LANCL1: variants seen among roughly 807,000 people sequenced by gnomAD.
LANCL1 encodes glutathione S-transferase LANCL1.
Under a neutral mutation model 50.6 loss-of-function variants are expected in LANCL1, and 50 were observed. The ratio of observed to expected loss-of-function variants is 0.99; its 90% CI spans 0.79 to 1.25. LANCL1 has a LOEUF of 1.25. Among genes scored for constraint, LANCL1 ranks in the 50% most tolerant of loss-of-function variants. The pLI is 0.00. For missense variants in LANCL1, 532 were observed against 480.7 expected (o/e 1.11, Z -1.00); for synonymous variants, 188 against 178.6 (o/e 1.05, Z -0.42).
At chr2:210,447,343 C>G (rs1207928660) in intron 4 of LANCL1, among the ~76,000 whole-genome samples, 1 of 152,178 alleles carries the variant, frequency 6.6e-6, no homozygotes, top group Admixed American at 6.5e-5. Context: ...CTTACAAGAG[C>G]TCCTGAAGGA....
intron 3 of LANCL1, chr2:210,468,411 C>T (rs1040797600): frequency 1.3e-5 from 2 of 151,966 alleles, no homozygotes. Flanking sequence ...ACATAGAAGT[C>T]AAGAAAAAAA....
At chr2:210,457,127 G>T (rs1693696145) in intron 3 of LANCL1, among the ~76,000 whole-genome samples, 1 of 152,170 alleles carries the variant, frequency 6.6e-6, no homozygotes, top group Non-Finnish European at 1.5e-5. Context: ...TTCTGCAGAT[G>T]ATAGTTTACT....
chr2:210,440,493 T>G (rs781506136), intron 6 of LANCL1, 105 bp downstream of exon 6: 3 of 1,078,942 alleles, frequency 2.8e-6, no homozygotes, highest in Non-Finnish European at 4.0e-6. Context: ...TGTAATGCAG[T>G]GGTTGACAGA....
In LANCL1 at chr2:210,437,644, A is replaced by T. The variant is rs374302038; in HGVS notation, c.873+46T>A. 136 of 1,205,014 alleles carry T rather than the reference A, an allele frequency of 1.1e-4. No individual in the cohort carries two copies. The African/African-American group carries it at 2.0e-3, about 18-fold the overall frequency. The allele number at this position is 1,205,014 out of a possible 1,614,324, so 74.6% of individuals were successfully genotyped here. ...GGATAAAACTAATTTTAAATTATAAATTTTTGGTTATTTAAAAAAATTTAT... is the reference window on the plus strand; with the variant it reads ...GGATAAAACTAATTTTAAATTATAATTTTTTGGTTATTTAAAAAAATTTAT... On this transcript the variant is annotated intron_variant, in intron 7 of 9. Coordinates refer to ENST00000450366, the MANE Select transcript of LANCL1 (RefSeq NM_006055.3).
intron 9 of LANCL1, among the ~76,000 whole-genome samples, chr2:210,435,109 G>C (rs1333751887): frequency 6.6e-6 from 1 of 152,068 alleles, no homozygotes; most frequent in Non-Finnish European, 1.5e-5. Flanking sequence ...GAAGGTAGTA[G>C]TGCCTGTATG....
Position 210,431,890 on chromosome 2 carries a change from A to G in LANCL1, c.*2597T>C, listed in dbSNP as rs1692756968. 1 of 152,226 alleles carries G rather than the reference A, an allele frequency of 6.6e-6. No homozygotes were observed. The highest frequency in any genetic ancestry group is 2.4e-5 in the African/African-American group (1 of 41,456). 9.4% of individuals were successfully genotyped at this position (152,226 alleles called of 1,614,324 possible). On this transcript the variant is annotated 3_prime_UTR_variant, in exon 10 of 10. Transcript: ENST00000450366. Reference sequence around the variant, plus strand: ...ACATGATGAAAAGTTAACTATTTGCAATTTCTAAATTACTATAGAAACAGA... The same window carrying G: ...ACATGATGAAAAGTTAACTATTTGCGATTTCTAAATTACTATAGAAACAGA...
chr2:210,472,620 C>T (rs1694257279), intron 2 of LANCL1, among the ~76,000 whole-genome samples: 1 of 152,098 alleles, frequency 6.6e-6, no homozygotes, highest in African/African-American at 2.4e-5. Flanking sequence ...ATCATAAACC[C>T]ACGTCCAGCA....
chr2:210,442,303 A>AT (rs953398354), intron 4 of LANCL1, among the ~76,000 whole-genome samples: 1 of 152,072 alleles, frequency 6.6e-6, no homozygotes, highest in Non-Finnish European at 1.5e-5. Context: ...CATGGTTACC[A>AT]TTTTTTTGTG....
intron 7 of LANCL1, 130 bp downstream of exon 7, chr2:210,437,560 A>G (rs1692975784): frequency 3.8e-6 from 2 of 524,344 alleles, no homozygotes; most frequent in East Asian, 6.3e-5. Context: ...ATTATAATTC[A>G]TTTAGTAAAG....
chr2:210,462,991 G>T (rs927756509), intron 3 of LANCL1, among the ~76,000 whole-genome samples: 11 of 152,134 alleles, frequency 7.2e-5, no homozygotes, highest in African/African-American at 2.7e-4. Context: ...CACTTATAAA[G>T]TGTACAGAAT....
At chr2:210,445,634 T>A (rs1337297793) in intron 4 of LANCL1, among the ~76,000 whole-genome samples, 1 of 152,144 alleles carries the variant, frequency 6.6e-6, no homozygotes, top group Non-Finnish European at 1.5e-5. Context: ...AAAGAAATGA[T>A]ATCACTGATA....
chr2:210,455,965 AAATGT>A (rs938444852), intron 3 of LANCL1, among the ~76,000 whole-genome samples: 21 of 152,162 alleles, frequency 1.4e-4, no homozygotes, highest in African/African-American at 4.8e-4. Flanking sequence ...CTACTTTGGT[AAATGT>A]AATGTAAAAG....
At position 210,441,389 on chromosome 2, in the gene LANCL1, C is replaced by T. The variant is rs765117563; in HGVS notation, c.462G>A (p.Gly154=). ...DPHAPNEMLY[G]RIGYIYALLF... is the part of the protein sequence containing the mutation. The stretch of plus-strand genomic sequence containing the variant: ...GAAGAGCATAGATGTAGCCTATTCG[C>T]CCATAGAGCATTTCATTTGGAGCAT... The change falls in exon 5 of 10, where the codon GGG becomes GGA. Residue 154 remains glycine (G), a synonymous_variant. Coordinates refer to ENST00000450366, the MANE Select transcript of LANCL1 (RefSeq NM_006055.3). The T allele has an allele frequency of 6.2e-7, 1 of 1,611,898 alleles. No individual in the cohort carries two copies. Among genetic ancestry groups the T allele is most frequent in the Non-Finnish European group, 8.5e-7 (1 of 1,178,736 alleles).
intron 2 of LANCL1, among the ~76,000 whole-genome samples, chr2:210,473,661 T>C (rs559288876): frequency 2.0e-5 from 3 of 152,180 alleles, no homozygotes; most frequent in South Asian, 2.1e-4. Context: ...ACAACAACAA[T>C]AGTTTAAGGA....
chr2:210,453,986 T>C (rs979902763), intron 4 of LANCL1, among the ~76,000 whole-genome samples: 13 of 152,160 alleles, frequency 8.5e-5, no homozygotes, highest in Non-Finnish European at 1.9e-4. Context: ...AAAGTTATAC[T>C]ATGTAATGTC....
intron 2 of LANCL1, 34 bp downstream of exon 2, chr2:210,476,282 G>A (rs1253106637): frequency 1.3e-6 from 2 of 1,515,696 alleles, no homozygotes; most frequent in East Asian, 2.3e-5. Flanking sequence ...CGTGGGGAGA[G>A]GCAGGGATGC....
At chr2:210,463,343 T>C (rs1403490458) in intron 3 of LANCL1, among the ~76,000 whole-genome samples, 2 of 152,168 alleles carry the variant, frequency 1.3e-5, no homozygotes, top group African/African-American at 2.4e-5. Context: ...CCTGAGTAGC[T>C]GGGATTACAA....
rs373538841 is a variant in LANCL1, at chr2:210,436,358, T to C, written c.908A>G (p.Tyr303Cys). ...TTGCCAGATCACATCAGCACACTGATAGGCATCACAGAGATACTTTTCCTC... is the reference window on the plus strand; with the variant it reads ...TTGCCAGATCACATCAGCACACTGACAGGCATCACAGAGATACTTTTCCTC... ...FREEKYLCDA[Y>C]QCADVIWQYG... The change falls in exon 8 of 10, where the codon TAT (tyrosine) becomes TGT (cysteine). Residue 303 changes from tyrosine to cysteine, a missense_variant. Transcript: ENST00000450366. 5 of 1,613,968 alleles carry C rather than the reference T, an allele frequency of 3.1e-6. No individual in the cohort carries two copies. The highest frequency in any genetic ancestry group is 1.3e-5 in the African/African-American group (1 of 74,926).
chr2:210,457,312 A>G (rs1184255973), intron 3 of LANCL1, among the ~76,000 whole-genome samples: 1 of 152,216 alleles, frequency 6.6e-6, no homozygotes, highest in Non-Finnish European at 1.5e-5. Flanking sequence ...AGTATTTTAT[A>G]TAATAGAAAA....
Sources: gnomAD v4.1 joint callset for allele counts (sites outside exome capture counted in the v4.1 genomes callset) on GRCh38, gnomAD v4.1.1 for gene constraint, MANE v1.5 for transcripts, NCBI Gene and HGNC (gene_info 2026-07-23, HGNC 2026-07-21) for gene names.